OXR1: variants seen among roughly 807,000 people sequenced by gnomAD.
OXR1 encodes oxidation resistance protein 1.
OXR1 carries 41 observed loss-of-function variants against 104.6 expected under a neutral mutation model. The ratio of observed to expected loss-of-function variants is 0.39; its 90% CI spans 0.31 to 0.51. The LOEUF (loss-of-function observed/expected upper bound fraction) is 0.51, where lower values mean the gene tolerates loss of function less well. Among genes scored for constraint, OXR1 ranks in the 20% least tolerant of loss-of-function variants. OXR1 has a pLI of 0.77. For synonymous variants in OXR1, 348 were observed against 348.4 expected (o/e 1.00, Z 0.01); for missense variants, 955 against 1,031.9 (o/e 0.93, Z 1.02).
intron 7 of OXR1, chr8:106,697,686 G>T (rs1830187208): frequency 6.2e-7 from 1 of 1,614,100 alleles, no homozygotes; most frequent in East Asian, 2.2e-5. Context: ...TTTGGAAGAT[G>T]TCAGTGGTGT....
chr8:106,356,986 T>G (rs931246600), intron 1 of OXR1, among the ~76,000 whole-genome samples: 1 of 152,108 alleles, frequency 6.6e-6, no homozygotes, highest in African/African-American at 2.4e-5. Flanking sequence ...AGCCTAATAG[T>G]TGATTTCATA....
intron 3 of OXR1, among the ~76,000 whole-genome samples, chr8:106,650,132 G>A (rs952080349): frequency 6.6e-5 from 10 of 152,116 alleles, no homozygotes; most frequent in Admixed American, 2.0e-4. Context: ...AACTTGATAA[G>A]GTATTTTATA....
chr8:106,433,457 T>C (rs1819443480), intron 2 of OXR1, among the ~76,000 whole-genome samples: 1 of 152,178 alleles, frequency 6.6e-6, no homozygotes. Flanking sequence ...ATCTTGTCGC[T>C]AATTTGTTAG....
At chr8:106,440,884 A>G (rs1819754085) in intron 2 of OXR1, among the ~76,000 whole-genome samples, 1 of 152,132 alleles carries the variant, frequency 6.6e-6, no homozygotes, top group African/African-American at 2.4e-5. Flanking sequence ...TTCCTAGGTT[A>G]AATGTATAAA....
chr8:106,299,533 T>G (rs1813143205), intron 1 of OXR1, among the ~76,000 whole-genome samples: 1 of 152,196 alleles, frequency 6.6e-6, no homozygotes, highest in Non-Finnish European at 1.5e-5. Context: ...CATCTGATAC[T>G]AGGTGTGTAC....
intron 3 of OXR1, among the ~76,000 whole-genome samples, chr8:106,600,148 ATACT>A (rs1480615618): frequency 6.6e-6 from 1 of 152,182 alleles, no homozygotes; most frequent in Non-Finnish European, 1.5e-5. Flanking sequence ...GCAAACCCAT[ATACT>A]TATTTGGGGC....
At chr8:106,294,607 A>G (rs1181593572) in intron 1 of OXR1, among the ~76,000 whole-genome samples, 1 of 151,942 alleles carries the variant, frequency 6.6e-6, no homozygotes, top group African/African-American at 2.4e-5. Flanking sequence ...AGAGAGACAG[A>G]GAGACAGAAA....
At chr8:106,316,728 CTATCT>C (rs1563714011) in intron 1 of OXR1, among the ~76,000 whole-genome samples, 1,186 of 96,484 alleles carry the variant, frequency 0.012, 7 homozygotes, top group African/African-American at 0.017. Flanking sequence ...ATCTATCTAT[CTATCT>C]ATCTATCTAT....
intron 2 of OXR1, among the ~76,000 whole-genome samples, chr8:106,435,632 G>A (rs1029207050): frequency 6.6e-6 from 1 of 152,056 alleles, no homozygotes; most frequent in Non-Finnish European, 1.5e-5. Context: ...ATGATGGGAC[G>A]GGGTGACCAT....
chr8:106,412,187 A>AT (rs897036113), intron 2 of OXR1, among the ~76,000 whole-genome samples: 5 of 151,396 alleles, frequency 3.3e-5, no homozygotes, highest in African/African-American at 9.7e-5. Context: ...TTGACCCTCA[A>AT]TTTTTTTTTC....
In OXR1 at chr8:106,412,187, AT is replaced by A. The variant is rs897036113; in HGVS notation, c.23+52560del. ...TAGTGTTTCTAACATTTGACCCTCA[AT>A]TTTTTTTTCTGATCACTTTCACTCT... On this transcript the variant is annotated intron_variant, in intron 2 of 16. Transcript: ENST00000517566. 7.9e-5 allele frequency among the ~76,000 whole-genome samples: 12 copies of A among 151,286 alleles called. No homozygotes were observed. In the East Asian group the frequency reaches 9.7e-4, roughly 12 times the overall value.
At chr8:106,383,422 G>A (rs897047287) in intron 2 of OXR1, among the ~76,000 whole-genome samples, 5 of 152,176 alleles carry the variant, frequency 3.3e-5, no homozygotes, top group Non-Finnish European at 5.9e-5. Context: ...ACAGCATTGT[G>A]TTAAAATGAA....
At chr8:106,463,060 A>G (rs1439238369) in intron 2 of OXR1, among the ~76,000 whole-genome samples, 3 of 152,106 alleles carry the variant, frequency 2.0e-5, no homozygotes, top group African/African-American at 7.2e-5. Flanking sequence ...TGGTTGACCC[A>G]TAAGTCACCT....
intron 3 of OXR1, among the ~76,000 whole-genome samples, chr8:106,548,189 G>GAATCTTTC (rs1355013073): frequency 3.9e-5 from 6 of 152,124 alleles, no homozygotes; most frequent in African/African-American, 1.4e-4. Flanking sequence ...GAAATGCTAT[G>GAATCTTTC]AATCTTTCAT....
chr8:106,287,549 C>T (rs1270398009), intron 1 of OXR1, among the ~76,000 whole-genome samples: 1 of 151,910 alleles, frequency 6.6e-6, no homozygotes. Context: ...CAATTTCCCA[C>T]ATGGCATCAT....
At position 106,479,115 on chromosome 8, in the gene OXR1, C is replaced by T. The variant is rs544451794; in HGVS notation, c.24-39828C>T. Among the ~76,000 whole-genome samples, 383 of 152,070 alleles carry T rather than the reference C, an allele frequency of 2.5e-3. 5 individuals are homozygous for T. Among genetic ancestry groups the T allele is most frequent in the African/African-American group, 8.7e-3 (363 of 41,550 alleles). ...AATAGGTTGTTTCACTTTTACAATT[C>T]CATCCTAACTAAATACTACATTAAC... On this transcript the variant is annotated intron_variant, in intron 2 of 16. Coordinates refer to ENST00000517566, the MANE Select transcript of OXR1 (RefSeq NM_001198533.2).
chr8:106,321,536 C>T (rs560155678), intron 1 of OXR1, among the ~76,000 whole-genome samples: 1 of 152,166 alleles, frequency 6.6e-6, no homozygotes, highest in East Asian at 1.9e-4. Context: ...ACATTTGACA[C>T]CAGTTTCTGA....
At chr8:106,289,300 G>T (rs1306160834) in intron 1 of OXR1, among the ~76,000 whole-genome samples, 1 of 152,108 alleles carries the variant, frequency 6.6e-6, no homozygotes, top group Non-Finnish European at 1.5e-5. Context: ...GAACTGATAA[G>T]CTATTTTAAT....
intron 3 of OXR1, among the ~76,000 whole-genome samples, chr8:106,674,745 C>T (rs1463095891): frequency 1.3e-5 from 2 of 152,074 alleles, no homozygotes; most frequent in East Asian, 3.9e-4. Flanking sequence ...TAATGCTGTT[C>T]TTGTGATAGT....
Sources: allele counts gnomAD v4.1 joint callset (sites outside exome capture counted in the v4.1 genomes callset), GRCh38; gene constraint gnomAD v4.1.1; transcripts MANE v1.5; gene names NCBI Gene and HGNC (gene_info 2026-07-23, HGNC 2026-07-21).